Variants in TMEM135 observed in about 807,000 individuals in gnomAD.
TMEM135 encodes the protein transmembrane protein 135.
Under a neutral mutation model 60.3 loss-of-function variants are expected in TMEM135, and 30 were observed. That is an observed-to-expected ratio of 0.50 (90% confidence interval 0.37 to 0.68). The LOEUF (loss-of-function observed/expected upper bound fraction) is 0.68, where lower values mean the gene tolerates loss of function less well. TMEM135 is among the 30% of genes least tolerant of loss of function. The pLI is 0.00. For synonymous variants in TMEM135, 190 were observed against 186.7 expected, an observed-to-expected ratio of 1.02 and a Z score of -0.14; for missense variants, 468 against 548.8, an observed-to-expected ratio of 0.85 and a Z score of 1.47.
chr11:87,173,954 C>G (rs1240018152), intron 5 of TMEM135, among the ~76,000 whole-genome samples: 1 of 152,070 alleles, frequency 6.6e-6, no homozygotes, highest in African/African-American at 2.4e-5. Flanking sequence ...TACTACTCAA[C>G]CAAATTCTGC....
chr11:87,096,599 T>C (rs1187078913), intron 4 of TMEM135: 2 of 152,400 alleles, frequency 1.3e-5, no homozygotes, highest in Admixed American at 6.5e-5. Flanking sequence ...TTTTGAATAC[T>C]GATACAGGTA....
chr11:87,114,741 A>G (rs1044695586), intron 4 of TMEM135, among the ~76,000 whole-genome samples: 2 of 152,176 alleles, frequency 1.3e-5, no homozygotes, highest in Admixed American at 1.3e-4. Flanking sequence ...GTGTTACCAA[A>G]CCATTGTAAA....
At chr11:87,145,098 C>G (rs1468924544) in intron 4 of TMEM135, among the ~76,000 whole-genome samples, 2 of 152,066 alleles carry the variant, frequency 1.3e-5, no homozygotes, top group African/African-American at 4.8e-5. Context: ...ACCCTTTGAT[C>G]AAATCTCCTC....
Position 87,129,597 on chromosome 11 carries a change from G to A in TMEM135, c.397-27744G>A, listed in dbSNP as rs909042406. On this transcript the variant is annotated intron_variant, in intron 4 of 14. Transcript: ENST00000305494. ...GCTCTGTCACCCAGGCTGGAGTGGA[G>A]TGGGGCAATCTGGGCTCACTGCAAC... Among the ~76,000 whole-genome samples, 19 of 149,350 alleles carry A rather than the reference G, an allele frequency of 1.3e-4. No homozygotes were observed. The Admixed American group carries it at 1.3e-3, about 10-fold the overall frequency.
At chr11:87,250,791 T>G (rs537959824) in intron 6 of TMEM135, among the ~76,000 whole-genome samples, 1 of 152,296 alleles carries the variant, frequency 6.6e-6, no homozygotes, top group South Asian at 2.1e-4. Context: ...AAAGTTGTAT[T>G]TCAGAGTTAG....
chr11:87,147,509 T>C (rs1938447785), intron 4 of TMEM135, among the ~76,000 whole-genome samples: 1 of 132,042 alleles, frequency 7.6e-6, no homozygotes, highest in Admixed American at 8.2e-5. Flanking sequence ...CTTACTGTTA[T>C]TGTTATTTTT....
intron 4 of TMEM135, among the ~76,000 whole-genome samples, chr11:87,108,021 A>G (rs1857642773): frequency 6.6e-6 from 1 of 152,232 alleles, no homozygotes; most frequent in South Asian, 2.1e-4. Flanking sequence ...AGTAATGATG[A>G]ACATTTTTTC....
At chr11:87,175,976 T>C (rs540980215) in intron 5 of TMEM135, among the ~76,000 whole-genome samples, 7 of 152,336 alleles carry the variant, frequency 4.6e-5, no homozygotes, top group African/African-American at 1.7e-4. Context: ...TTTAACTTTA[T>C]ACATATGTGT....
At chr11:87,262,413 C>T (rs745667241) in intron 6 of TMEM135, among the ~76,000 whole-genome samples, 1 of 152,158 alleles carries the variant, frequency 6.6e-6, no homozygotes, top group Non-Finnish European at 1.5e-5. Context: ...TAATTTTTAT[C>T]TTTTTGTCAG....
At chr11:87,150,367 C>T (rs893705272) in intron 4 of TMEM135, among the ~76,000 whole-genome samples, 4 of 152,120 alleles carry the variant, frequency 2.6e-5, no homozygotes, top group African/African-American at 7.2e-5. Context: ...TCTGTTGCTT[C>T]GTTGTATCTA....
At chr11:87,285,530 C>G (rs929673623) in intron 6 of TMEM135, among the ~76,000 whole-genome samples, 1 of 152,038 alleles carries the variant, frequency 6.6e-6, no homozygotes, top group East Asian at 1.9e-4. Context: ...TAAGGTGGCA[C>G]GTCTGGAGTT....
At chr11:87,056,782 A>T (rs1378687231) in intron 1 of TMEM135, among the ~76,000 whole-genome samples, 1 of 152,198 alleles carries the variant, frequency 6.6e-6, no homozygotes, top group African/African-American at 2.4e-5. Context: ...AAAGGATTCA[A>T]TTCATTACCC....
chr11:87,143,175 C>G (rs608533), intron 4 of TMEM135, among the ~76,000 whole-genome samples: 55,800 of 151,744 alleles, frequency 0.37, 10,803 homozygotes, highest in East Asian at 0.67. Context: ...CTTTGTTATA[C>G]TTTCCTTTTT....
intron 9 of TMEM135, among the ~76,000 whole-genome samples, chr11:87,309,165 G>A (rs1454347841): frequency 6.6e-6 from 1 of 152,162 alleles, no homozygotes; most frequent in Non-Finnish European, 1.5e-5. Context: ...GCTTTTGTAT[G>A]TAAAACTCAT....
rs539766779 is a variant in TMEM135 at position 87,185,644 on chromosome 11, T to C, written c.462+28238T>C. On this transcript the variant is annotated intron_variant, in intron 5 of 14. Coordinates refer to ENST00000305494, the MANE Select transcript of TMEM135 (RefSeq NM_022918.4). The stretch of plus-strand genomic sequence containing the variant: ...TGACGATTACCTATCATTACTTGTG[T>C]TTATTAGGCTTGCAAAATGGATATA... 2.6e-5 allele frequency among the ~76,000 whole-genome samples: 4 copies of C among 152,330 alleles called. No homozygotes were observed. The South Asian group carries it at 8.3e-4, about 32-fold the overall frequency.
intron 1 of TMEM135, among the ~76,000 whole-genome samples, chr11:87,058,736 C>A (rs1031288522): frequency 6.6e-6 from 1 of 152,056 alleles, no homozygotes; most frequent in Non-Finnish European, 1.5e-5. Context: ...TGTCCTGCCT[C>A]AGCCTCCCGA....
intron 6 of TMEM135, among the ~76,000 whole-genome samples, chr11:87,289,055 C>G (rs1942217405): frequency 6.6e-6 from 1 of 152,108 alleles, no homozygotes; most frequent in Admixed American, 6.5e-5. Flanking sequence ...GACACATTAA[C>G]TTTATTGTGA....
chr11:87,163,756 T>C (rs1368042691), intron 5 of TMEM135, among the ~76,000 whole-genome samples: 1 of 146,704 alleles, frequency 6.8e-6, no homozygotes, highest in African/African-American at 2.5e-5. Flanking sequence ...GGTATCTCAC[T>C]GTGGTTTTGA....
At chr11:87,149,415 G>A (rs1035386227) in intron 4 of TMEM135, among the ~76,000 whole-genome samples, 49 of 152,300 alleles carry the variant, frequency 3.2e-4, no homozygotes, top group African/African-American at 1.1e-3. Context: ...GAGGGAGAGG[G>A]AAGGGGAAGA....
Sources: allele counts gnomAD v4.1 joint callset (sites outside exome capture counted in the v4.1 genomes callset), GRCh38; gene constraint gnomAD v4.1.1; transcripts MANE v1.5; gene names NCBI Gene and HGNC (gene_info 2026-07-23, HGNC 2026-07-21).